MLLT1: variants seen among roughly 807,000 people sequenced by gnomAD.
The protein encoded by MLLT1 is MLLT1 super elongation complex subunit, also known as protein ENL.
Under a neutral mutation model 55.1 loss-of-function variants are expected in MLLT1, and 11 were observed. The ratio of observed to expected loss-of-function variants is 0.20; its 90% confidence interval spans 0.13 to 0.33. MLLT1 has a LOEUF of 0.33. Ranked by LOEUF, MLLT1 falls within the 10% of genes least tolerant of loss-of-function variation. MLLT1 has a pLI of 1.00. For synonymous variants in MLLT1, 323 were observed against 320.1 expected, an observed-to-expected ratio of 1.01 and a Z score of -0.10; for missense variants, 536 against 760.6, an observed-to-expected ratio of 0.70 and a Z score of 3.47.
intron 3 of MLLT1, among the ~76,000 whole-genome samples, chr19:6,234,205 C>T (rs1600187619): frequency 2.6e-5 from 4 of 152,198 alleles, no homozygotes; most frequent in African/African-American, 4.8e-5. Flanking sequence ...GCATGGACTG[C>T]GGTGTCCTCG....
chr19:6,231,573 G>C lies in MLLT1; in HGVS notation c.277-860C>G, dbSNP rs996020112. Among the ~76,000 whole-genome samples, 1 of 151,782 alleles carries C rather than the reference G, an allele frequency of 6.6e-6. No homozygotes were observed. The highest frequency in any genetic ancestry group is 2.4e-5 in the African/African-American group (1 of 41,278). Reference sequence around the variant, plus strand: ...GTTGCCCAGGCTGGAGTGCAGTGGCGCGATCTCGGCTCACTGCAAGCTCCA... The same window carrying C: ...GTTGCCCAGGCTGGAGTGCAGTGGCCCGATCTCGGCTCACTGCAAGCTCCA... On this transcript the variant is annotated intron_variant, in intron 3 of 11. Transcript: ENST00000252674. This position sits in a 1 kb window ranked among gnomAD's most constrained non-coding sequence, Gnocchi z 5.1.
At chr19:6,217,917 G>A in intron 7 of MLLT1, 37 bp downstream of exon 7, 1 of 1,574,210 alleles carries the variant, frequency 6.4e-7, no homozygotes, top group South Asian at 1.2e-5. Flanking sequence ...GCCCTCCCCG[G>A]CCCCATCCGT....
At chr19:6,271,153 G>A (rs2091392332) in intron 1 of MLLT1, among the ~76,000 whole-genome samples, 1 of 151,882 alleles carries the variant, frequency 6.6e-6, no homozygotes, top group African/African-American at 2.4e-5. Context: ...CCCTCTGCAG[G>A]GAAGCCTCCC....
chr19:6,272,748 C>T (rs574346416), intron 1 of MLLT1, among the ~76,000 whole-genome samples: 1 of 152,296 alleles, frequency 6.6e-6, no homozygotes, highest in Admixed American at 6.5e-5. Context: ...TCAGGGAGTT[C>T]TAAATGCTGC....
At chr19:6,278,130 C>G (rs1011346138) in intron 1 of MLLT1, among the ~76,000 whole-genome samples, 1 of 152,206 alleles carries the variant, frequency 6.6e-6, no homozygotes, top group African/African-American at 2.4e-5. Flanking sequence ...CGCCAGCAGC[C>G]AGGGACGCCC....
intron 2 of MLLT1, among the ~76,000 whole-genome samples, chr19:6,264,904 A>C (rs549698871): frequency 6.6e-6 from 1 of 150,672 alleles, no homozygotes; most frequent in African/African-American, 2.4e-5. Flanking sequence ...AAAAAAAAAA[A>C]AAAAAAAAAT....
intron 1 of MLLT1, among the ~76,000 whole-genome samples, chr19:6,278,199 C>T (rs2091437189): frequency 6.6e-6 from 1 of 152,234 alleles, no homozygotes; most frequent in Non-Finnish European, 1.5e-5. Context: ...CCCACAACAC[C>T]TTTCCTGGCC....
At position 6,262,540 on chromosome 19, in the gene MLLT1, G is replaced by T. The variant is rs970239184; in HGVS notation, c.194-230C>A. Among the ~76,000 whole-genome samples the T allele has an allele frequency of 5.3e-5, 8 of 152,158 alleles. No homozygotes were observed. Among genetic ancestry groups the T allele is most frequent in the Non-Finnish European group, 1.2e-4 (8 of 68,028 alleles). On this transcript the variant is annotated intron_variant, in intron 2 of 11. Coordinates refer to ENST00000252674, the MANE Select transcript of MLLT1 (RefSeq NM_005934.4). The surrounding 1 kb of genome is among the most constrained non-coding windows in gnomAD (Gnocchi z 4.4). ...AGAGGAGAAAGGAGACTTGGCCACC[G>T]GCATGGTCAGCAGAGAGTGAGAAGG...
intron 3 of MLLT1, among the ~76,000 whole-genome samples, chr19:6,249,122 T>C (rs1228070480): frequency 6.6e-6 from 1 of 152,150 alleles, no homozygotes; most frequent in Non-Finnish European, 1.5e-5. Flanking sequence ...GCAAGTATAA[T>C]AAACAGACTG....
intron 1 of MLLT1, among the ~76,000 whole-genome samples, chr19:6,272,054 C>T (rs1320649728): frequency 6.6e-6 from 1 of 152,242 alleles, no homozygotes; most frequent in African/African-American, 2.4e-5. Context: ...GCGATGGAGC[C>T]GCTGGGGCAG....
At chr19:6,278,279 T>C (rs1376797354) in intron 1 of MLLT1, among the ~76,000 whole-genome samples, 1 of 152,140 alleles carries the variant, frequency 6.6e-6, no homozygotes, top group Non-Finnish European at 1.5e-5. Flanking sequence ...CCAGCAATGC[T>C]TCTGGGCTTG....
Position 6,212,750 on chromosome 19 carries a change from C to A in MLLT1, c.*292G>T. The A allele has an allele frequency of 9.1e-7, 1 of 1,096,920 alleles. No homozygotes were observed. Among genetic ancestry groups the A allele is most frequent in the Non-Finnish European group, 1.2e-6 (1 of 865,992 alleles). The allele number at this position is 1,096,920 out of a possible 1,614,324, so 67.9% of individuals were successfully genotyped here. ...GGTCCCAAGGCTGGGCGAGGGGCCC[C>A]CGGCCCTGTCTCTGCCCAGAGCTGC... On this transcript the variant is annotated 3_prime_UTR_variant, in exon 12 of 12. Transcript: ENST00000252674.
intron 10 of MLLT1, 53 bp from the exon 11 acceptor site, chr19:6,213,461 G>C (rs1297304720): frequency 4.9e-6 from 7 of 1,431,542 alleles, no homozygotes; most frequent in Non-Finnish European, 6.9e-6. Flanking sequence ...GACCCTTCCT[G>C]CTCCCATGCC....
chr19:6,241,166 C>T (rs2091109518), intron 3 of MLLT1, among the ~76,000 whole-genome samples: 2 of 152,208 alleles, frequency 1.3e-5, no homozygotes, highest in Admixed American at 6.5e-5. Context: ...GGGCCTCCTG[C>T]CTCCCTCATG....
intron 6 of MLLT1, 75 bp from the exon 7 acceptor site, chr19:6,218,116 C>A (rs2090863593): frequency 1.3e-6 from 2 of 1,520,316 alleles, no homozygotes; most frequent in South Asian, 2.5e-5. Flanking sequence ...CAAAGGGGGC[C>A]CCCTGGCAGC....
chr19:6,228,153 G>A (rs936771845), intron 4 of MLLT1, among the ~76,000 whole-genome samples: 9 of 152,122 alleles, frequency 5.9e-5, no homozygotes, highest in African/African-American at 1.9e-4. Context: ...TGCCCCAGCC[G>A]TCCCTGAAAA....
At position 6,211,667 on chromosome 19, in the gene MLLT1, G is replaced by T; in HGVS notation, c.*1375C>A. 6 of 1,064,628 alleles carry T rather than the reference G, an allele frequency of 5.6e-6. No homozygotes were observed. The highest frequency in any genetic ancestry group is 6.8e-6 in the Non-Finnish European group (6 of 878,804). The allele number at this position is 1,064,628 out of a possible 1,614,324, so 65.9% of individuals were successfully genotyped here. A position where few individuals can be genotyped will look rare whatever the true frequency, so the allele number is the denominator to read the frequency against. On this transcript the variant is annotated 3_prime_UTR_variant, in exon 12 of 12. Coordinates refer to ENST00000252674, the MANE Select transcript of MLLT1 (RefSeq NM_005934.4). The surrounding 1 kb of genome is among the most constrained non-coding windows in gnomAD (Gnocchi z 4.6). ...AGGACTTGAAAGGACTTGAAAGTCA[G>T]GGGGTTGAGAGGACTGGAGGCGCCT...
At position 6,256,140 on chromosome 19, in the gene MLLT1, C is replaced by CT; in HGVS notation, c.276+6087dup. Among the ~76,000 whole-genome samples the CT allele has an allele frequency of 6.6e-6, 1 of 151,976 alleles. No individual in the cohort carries two copies. The highest frequency in any genetic ancestry group is 6.5e-5 in the Admixed American group (1 of 15,268). ...GCTGAGGCAGGAGAATCGCTTGAAC[C>CT]TGGGAGGCAGAGGTTGCGATGAGCC... On this transcript the variant is annotated intron_variant, in intron 3 of 11. Transcript: ENST00000252674. This position sits in a 1 kb window ranked among gnomAD's most constrained non-coding sequence, Gnocchi z 4.1.
chr19:6,232,129 G>A (rs529229367), intron 3 of MLLT1, among the ~76,000 whole-genome samples: 50 of 152,220 alleles, frequency 3.3e-4, no homozygotes, highest in Non-Finnish European at 5.9e-4. Context: ...CCAGCTACTC[G>A]GGAGACTGAG....
Sources: allele counts gnomAD v4.1 joint callset (sites outside exome capture counted in the v4.1 genomes callset), GRCh38; gene constraint gnomAD v4.1.1; non-coding constraint Gnocchi (gnomAD v3.1); transcripts MANE v1.5; gene names NCBI Gene and HGNC (gene_info 2026-07-23, HGNC 2026-07-21).